The following ASIC2 variants were observed in gnomAD, a reference collection of about 807,000 sequenced individuals.
ASIC2 encodes the protein acid sensing ion channel subunit 2.
A neutral mutation model predicts 57.3 loss-of-function variants in ASIC2; 25 were observed. The ratio of observed to expected loss-of-function variants is 0.44; its 90% CI spans 0.32 to 0.61. The LOEUF is 0.61. Among genes scored for constraint, ASIC2 ranks in the 20% least tolerant of loss-of-function variants. The pLI is 0.06. For synonymous variants in ASIC2, 319 were observed against 307.5 expected (o/e 1.04, Z -0.39); for missense variants, 641 against 738.1 (o/e 0.87, Z 1.52).
rs1393936569 is a variant in ASIC2, at chr17:33,579,611, T to TTCCTTCAGGTGTTCAGCTGCG, written c.556-467565_556-467545dup. ...TTAAAGATGGTGTGTCGGGAGTTTG[T>TTCCTTCAGGTGTTCAGCTGCG]TCCTTCAGGTGTTCAGCTGCGTCTG... On this transcript the variant is annotated intron_variant, in intron 1 of 9. Transcript: ENST00000359872. 1.5e-3 allele frequency among the ~76,000 whole-genome samples: 230 copies of TTCCTTCAGGTGTTCAGCTGCG among 152,286 alleles called. 1 individual carries two copies. The highest frequency in any genetic ancestry group is 5.4e-3 in the African/African-American group (226 of 41,562).
chr17:33,859,393 G>T (rs180943251), intron 1 of ASIC2, among the ~76,000 whole-genome samples: 1 of 152,156 alleles, frequency 6.6e-6, no homozygotes, highest in Non-Finnish European at 1.5e-5. Flanking sequence ...TGAGGAAAAG[G>T]GGGGAGGAAC....
At chr17:33,832,197 C>T (rs746968594) in intron 1 of ASIC2, among the ~76,000 whole-genome samples, 1 of 152,132 alleles carries the variant, frequency 6.6e-6, no homozygotes, top group Admixed American at 6.5e-5. Flanking sequence ...GTAGAAATAA[C>T]GTAGTTAAGT....
intron 1 of ASIC2, among the ~76,000 whole-genome samples, chr17:33,811,544 G>A (rs1912422878): frequency 1.3e-5 from 2 of 152,166 alleles, no homozygotes; most frequent in Non-Finnish European, 2.9e-5. Flanking sequence ...TACTCGTGAT[G>A]TTTCTTCCCA....
intron 1 of ASIC2, among the ~76,000 whole-genome samples, chr17:33,641,944 T>G (rs1192798310): frequency 6.6e-6 from 1 of 152,216 alleles, no homozygotes; most frequent in Non-Finnish European, 1.5e-5. Flanking sequence ...ATCATACATT[T>G]CTTTTTCTTA....
chr17:33,191,802 G>C (rs138601275), intron 1 of ASIC2, among the ~76,000 whole-genome samples: 1 of 152,132 alleles, frequency 6.6e-6, no homozygotes, highest in Non-Finnish European at 1.5e-5. Context: ...ACTTCACAAA[G>C]CTCCCTCTTA....
intron 3 of ASIC2, among the ~76,000 whole-genome samples, chr17:33,047,183 G>T (rs1371665381): frequency 6.6e-6 from 1 of 152,208 alleles, no homozygotes; most frequent in Non-Finnish European, 1.5e-5. Context: ...GATTCTGCCA[G>T]GGTGAAATCT....
At chr17:33,417,141 ACT>A (rs967766257) in intron 1 of ASIC2, among the ~76,000 whole-genome samples, 3 of 152,036 alleles carry the variant, frequency 2.0e-5, no homozygotes, top group Non-Finnish European at 4.4e-5. Context: ...ACACACACAG[ACT>A]CTAGTAGGAC....
intron 1 of ASIC2, among the ~76,000 whole-genome samples, chr17:33,240,923 T>C (rs1042757683): frequency 2.0e-5 from 3 of 152,202 alleles, no homozygotes. Context: ...TCTGGTGTTT[T>C]TAGCTCTTCA....
Position 33,651,882 on chromosome 17 carries a change from C to G in ASIC2, c.555+504096G>C, listed in dbSNP as rs74617767. On this transcript the variant is annotated intron_variant, in intron 1 of 9. Transcript: ENST00000359872. ...GAGAGTGAGGTGGAGAACACAGTCT[C>G]CCTCTCCTGGACAAACTGCTCTGGG... is the stretch of plus-strand genomic sequence containing the variant. Among the ~76,000 whole-genome samples the G allele has an allele frequency of 2.1e-3, 317 of 152,260 alleles. 2 individuals carry two copies. Among genetic ancestry groups the G allele is most frequent in the Non-Finnish European group, 3.1e-3 (211 of 68,018 alleles).
intron 1 of ASIC2, among the ~76,000 whole-genome samples, chr17:33,444,320 T>A (rs1911934381): frequency 6.6e-6 from 1 of 152,086 alleles, no homozygotes; most frequent in African/African-American, 2.4e-5. Context: ...AGTCAAAGAG[T>A]AAAAGCTCTT....
chr17:34,152,490 CCAAA>C (rs1046556198), intron 1 of ASIC2, among the ~76,000 whole-genome samples: 19 of 152,238 alleles, frequency 1.2e-4, no homozygotes, highest in African/African-American at 4.3e-4. Context: ...ACCCACTGCT[CCAAA>C]CAGAGAAAGC....
intron 1 of ASIC2, among the ~76,000 whole-genome samples, chr17:33,171,958 C>T (rs1905537578): frequency 6.6e-6 from 1 of 152,228 alleles, no homozygotes. Flanking sequence ...GCCAATTTCT[C>T]TCCTCACACA....
chr17:33,384,915 C>G (rs868046470), intron 1 of ASIC2, among the ~76,000 whole-genome samples: 23 of 152,164 alleles, frequency 1.5e-4, no homozygotes, highest in Middle Eastern at 3.2e-3. Flanking sequence ...AGGGCCATCT[C>G]TTCTGATGTG....
At chr17:33,429,673 A>C (rs887792808) in intron 1 of ASIC2, among the ~76,000 whole-genome samples, 3 of 152,148 alleles carry the variant, frequency 2.0e-5, no homozygotes, top group African/African-American at 7.2e-5. Flanking sequence ...TAGAGGTATG[A>C]GCCACCGCCC....
intron 1 of ASIC2, among the ~76,000 whole-genome samples, chr17:33,949,550 A>T (rs1904493708): frequency 6.6e-6 from 1 of 152,186 alleles, no homozygotes; most frequent in African/African-American, 2.4e-5. Context: ...ATGATTTCTT[A>T]TTTTATTCCA....
chr17:33,560,043 T>A (rs951080204), intron 1 of ASIC2, among the ~76,000 whole-genome samples: 2 of 152,202 alleles, frequency 1.3e-5, no homozygotes, highest in African/African-American at 4.8e-5. Flanking sequence ...TACTGCCATT[T>A]TTTTTCAATC....
intron 1 of ASIC2, among the ~76,000 whole-genome samples, chr17:33,779,209 T>C (rs770169128): frequency 6.6e-6 from 1 of 152,182 alleles, no homozygotes; most frequent in Non-Finnish European, 1.5e-5. Flanking sequence ...GGTGTCTGCT[T>C]TGAACCTCTT....
At chr17:33,115,211 A>G (rs990069164) in intron 1 of ASIC2, among the ~76,000 whole-genome samples, 2 of 152,144 alleles carry the variant, frequency 1.3e-5, no homozygotes, top group African/African-American at 4.8e-5. Flanking sequence ...CAAACGTGCC[A>G]GGTGTGAGCT....
chr17:33,291,758 C>A lies in ASIC2; in HGVS notation c.358G>T (p.Val120Leu). 3 of 1,613,588 alleles carry A rather than the reference C, an allele frequency of 1.9e-6. No homozygotes were observed. Among genetic ancestry groups the A allele is most frequent in the Non-Finnish European group, 1.7e-6 (2 of 1,179,890 alleles). The change falls in exon 1 of 10, where the codon GTG (valine) becomes TTG (leucine). Residue 120 changes from valine to leucine, a missense_variant. Around this residue, in one of 3 missense-constraint regions of ASIC2, gnomAD observed 382 missense variants for 398.0 expected, o/e 0.96. Transcript: ENST00000225823. Reference sequence around the variant, plus strand: ...AACTGGCGGCTCCACTCGCGGTGCACCCGCGTGTGTGACGGGAAGCTGAGC... The same window carrying A: ...AACTGGCGGCTCCACTCGCGGTGCAACCGCGTGTGTGACGGGAAGCTGAGC... ...YWLSFPSHTR[V>L]HREWSRQLPF...
Sources: allele counts gnomAD v4.1 joint callset (sites outside exome capture counted in the v4.1 genomes callset), GRCh38; gene constraint gnomAD v4.1.1; regional missense constraint gnomAD v4.1.1; transcripts MANE v1.5; gene names NCBI Gene and HGNC (gene_info 2026-07-23, HGNC 2026-07-21).